The following IL20RA variants were observed in gnomAD, a reference collection of about 807,000 sequenced individuals.
IL20RA encodes the protein interleukin 20 receptor subunit alpha.
IL20RA carries 29 observed loss-of-function variants against 36.5 expected under a neutral mutation model. The ratio of observed to expected loss-of-function variants is 0.79; its 90% CI spans 0.59 to 1.08. IL20RA has a LOEUF of 1.08. IL20RA is among the 50% of genes least tolerant of loss of function. The probability of loss-of-function intolerance (pLI) is 0.00; values close to 1 mark genes in which losing one functional copy is unlikely to be tolerated. For missense variants in IL20RA, 652 were observed against 668.4 expected (o/e 0.98, Z 0.27); for synonymous variants, 279 against 267.1 (o/e 1.04, Z -0.43).
chr6:137,017,176 C>G (rs1021586047), intron 1 of IL20RA, 73 bp from the exon 2 acceptor site: 11 of 1,255,620 alleles, frequency 8.8e-6, no homozygotes, highest in Non-Finnish European at 1.3e-5. Context: ...AGCAGCTAGT[C>G]TCCAGAGATG....
intron 6 of IL20RA, 129 bp from the exon 7 acceptor site, chr6:137,002,484 G>C (rs1775115218): frequency 1.5e-6 from 1 of 646,358 alleles, no homozygotes; most frequent in Non-Finnish European, 2.6e-6. Context: ...GTAAATGAAA[G>C]TTATGCTTGC....
chr6:137,027,162 A>G (rs1382524029), intron 1 of IL20RA, among the ~76,000 whole-genome samples: 1 of 152,184 alleles, frequency 6.6e-6, no homozygotes, highest in African/African-American at 2.4e-5. Flanking sequence ...GATTACAGGC[A>G]TGAGCCACCA....
At chr6:137,033,421 G>C (rs187164345) in intron 1 of IL20RA, among the ~76,000 whole-genome samples, 1 of 152,236 alleles carries the variant, frequency 6.6e-6, no homozygotes, top group Non-Finnish European at 1.5e-5. Context: ...GACCTGGTGG[G>C]AGGTGATTGG....
intron 5 of IL20RA, among the ~76,000 whole-genome samples, chr6:137,005,885 C>T (rs546562911): frequency 1.6e-4 from 25 of 152,258 alleles, no homozygotes; most frequent in South Asian, 8.3e-4. Context: ...CCTATAAATT[C>T]GGACTTGCCA....
chr6:137,002,818 T>C (rs1372555947), intron 6 of IL20RA, among the ~76,000 whole-genome samples: 7 of 152,206 alleles, frequency 4.6e-5, no homozygotes, highest in African/African-American at 1.7e-4. Flanking sequence ...TTGGATATAC[T>C]TGAAATGCAG....
At chr6:137,022,586 T>C (rs1156534425) in intron 1 of IL20RA, among the ~76,000 whole-genome samples, 1 of 152,198 alleles carries the variant, frequency 6.6e-6, no homozygotes, top group African/African-American at 2.4e-5. Flanking sequence ...TTGGGTATGC[T>C]TATGGGTTGA....
intron 1 of IL20RA, among the ~76,000 whole-genome samples, chr6:137,021,532 T>A (rs1171788985): frequency 1.4e-5 from 2 of 145,992 alleles, no homozygotes; most frequent in Non-Finnish European, 1.5e-5. Context: ...AAACAAAAAT[T>A]AGCCGGCATG....
Position 137,026,188 on chromosome 6 carries a change from C to T in IL20RA, c.89-9085G>A, listed in dbSNP as rs1402623494. 2.0e-5 allele frequency among the ~76,000 whole-genome samples: 3 copies of T among 152,346 alleles called. No individual in the cohort carries two copies. The East Asian group carries it at 5.8e-4, about 29-fold the overall frequency. ...AAAAAGTCCCCAGATGTCCTACCCC[C>T]TTTAGCCTTCTAAAGCTGAAGCTGT... On this transcript the variant is annotated intron_variant, in intron 1 of 6. Transcript: ENST00000316649.
At chr6:137,010,239 A>C (rs1463709212) in intron 3 of IL20RA, among the ~76,000 whole-genome samples, 3 of 152,204 alleles carry the variant, frequency 2.0e-5, no homozygotes, top group Non-Finnish European at 4.4e-5. Context: ...CTGGACAGTA[A>C]ATATTTCAGG....
intron 1 of IL20RA, among the ~76,000 whole-genome samples, chr6:137,017,711 A>T (rs1167852): frequency 0.56 from 84,454 of 151,966 alleles, 28,721 homozygotes; most frequent in East Asian, 0.91. Context: ...CCTTTACTAA[A>T]GAATATAGTA....
Position 137,017,024 on chromosome 6 carries a change from C to G in IL20RA, c.168G>C (p.Trp56Cys). Residue 56 changes from tryptophan to cysteine, a missense_variant, in exon 2 of 7, where the codon TGG becomes TGC. Coordinates refer to ENST00000316649, the MANE Select transcript of IL20RA (RefSeq NM_014432.4). ...CTCCTTGAAGACCCTCTGGTGGAGTCCATTGTAGGACATTCTTCATGTTGA... is the reference window on the plus strand; with the variant it reads ...CTCCTTGAAGACCCTCTGGTGGAGTGCATTGTAGGACATTCTTCATGTTGA... ...LSINMKNVLQWTPPEGLQGVK... is the reference protein window; with the variant it reads ...LSINMKNVLQCTPPEGLQGVK... 6.2e-7 allele frequency: 1 copy of G among 1,612,652 alleles called. No individual in the cohort carries two copies. The highest frequency in any genetic ancestry group is 1.3e-5 in the African/African-American group (1 of 75,008).
chr6:137,013,402 C>G (rs774090570), intron 2 of IL20RA, among the ~76,000 whole-genome samples: 2 of 152,214 alleles, frequency 1.3e-5, no homozygotes, highest in Non-Finnish European at 1.5e-5. Context: ...TAATGACACT[C>G]ACGCATGGCA....
intron 1 of IL20RA, among the ~76,000 whole-genome samples, chr6:137,030,274 G>A (rs1409481682): frequency 1.3e-5 from 2 of 151,570 alleles, no homozygotes; most frequent in African/African-American, 2.4e-5. Context: ...TTGTAGAGAC[G>A]GGGTCTCATT....
intron 3 of IL20RA, among the ~76,000 whole-genome samples, chr6:137,010,586 G>T (rs186861006): frequency 1.7e-4 from 26 of 152,306 alleles, no homozygotes; most frequent in Admixed American, 7.8e-4. Flanking sequence ...CATTATGGCA[G>T]CCCTGAGTGG....
intron 2 of IL20RA, among the ~76,000 whole-genome samples, chr6:137,014,987 C>T (rs896050111): frequency 1.3e-5 from 2 of 152,162 alleles, no homozygotes; most frequent in Admixed American, 6.5e-5. Context: ...TACTGAACTT[C>T]GTAAGAGTCT....
chr6:137,040,155 G>T (rs9376243), intron 1 of IL20RA, among the ~76,000 whole-genome samples: 10,286 of 151,978 alleles, frequency 0.068, 710 homozygotes, highest in East Asian at 0.35. Flanking sequence ...ATGACATCTG[G>T]GTTTCTCACT....
Position 137,002,350 on chromosome 6 carries a change from C to T in IL20RA, c.870G>A (p.Leu290=). 1.3e-6 allele frequency: 2 copies of T among 1,579,772 alleles called. No individual in the cohort carries two copies. The highest frequency in any genetic ancestry group is 1.7e-6 in the Non-Finnish European group (2 of 1,161,394). The change falls in exon 7 of 7, where the codon TTG becomes TTA. Residue 290 remains leucine, a synonymous_variant. Transcript: ENST00000316649. ...TTTTGTCAAATTCATTTCCATAAATCAAAATCTATAAAGAGAAAAGAGAAT... is the reference window on the plus strand; with the variant it reads ...TTTTGTCAAATTCATTTCCATAAATTAAAATCTATAAAGAGAAAAGAGAAT... ...GKEKHPANLI[L]IYGNEFDKRF...
At chr6:137,010,030 G>C (rs1211449207) in intron 3 of IL20RA, among the ~76,000 whole-genome samples, 1 of 152,180 alleles carries the variant, frequency 6.6e-6, no homozygotes, top group Non-Finnish European at 1.5e-5. Flanking sequence ...TCCCATGTTA[G>C]AACAGCAAAC....
chr6:137,028,481 T>C (rs1776170526), intron 1 of IL20RA, among the ~76,000 whole-genome samples: 1 of 151,318 alleles, frequency 6.6e-6, no homozygotes, highest in Non-Finnish European at 1.5e-5. Flanking sequence ...ATTTTCTGAG[T>C]CTGGGGCACA....
Sources: allele counts gnomAD v4.1 joint callset (sites outside exome capture counted in the v4.1 genomes callset), GRCh38; gene constraint gnomAD v4.1.1; transcripts MANE v1.5; gene names NCBI Gene and HGNC (gene_info 2026-07-23, HGNC 2026-07-21).